The following MPRIP variants were observed in gnomAD, a reference collection of about 807,000 sequenced individuals.
The protein encoded by MPRIP is myosin phosphatase Rho interacting protein.
MPRIP carries 59 observed loss-of-function variants against 234.9 expected under a neutral mutation model. The ratio of observed to expected loss-of-function variants is 0.25; its 90% CI spans 0.20 to 0.31. The LOEUF is 0.31. MPRIP is among the 10% of genes least tolerant of loss of function. The pLI is 1.00. For synonymous variants in MPRIP, 1,144 were observed against 1,263.9 expected (o/e 0.91, Z 2.01); for missense variants, 2,436 against 3,071.0 (o/e 0.79, Z 4.89).
chr17:17,099,627 T>C (rs2089918966), intron 3 of MPRIP, among the ~76,000 whole-genome samples: 1 of 152,190 alleles, frequency 6.6e-6, no homozygotes, highest in African/African-American at 2.4e-5. Flanking sequence ...CTTGGGAGGC[T>C]GAGGCCAGAG....
intron 3 of MPRIP, among the ~76,000 whole-genome samples, chr17:17,101,755 G>A (rs73979083): frequency 0.081 from 12,358 of 152,278 alleles, 709 homozygotes; most frequent in East Asian, 0.17. Context: ...GAAAAGGCCC[G>A]TAGGGTAGGT....
chr17:17,187,305 G>T lies in MPRIP; in HGVS notation c.*2411G>T, dbSNP rs1400431850. On this transcript the variant is annotated 3_prime_UTR_variant, in exon 24 of 24. Coordinates refer to ENST00000651222, the MANE Select transcript of MPRIP (RefSeq NM_001364716.4). ...GGGGTCAGAGACAGGCCAGCAGGGC[G>T]TCTGCATTCCTCCCTGCCACAGGTC... 1 of 152,210 alleles carries T rather than the reference G, an allele frequency of 6.6e-6. No homozygotes were observed. The highest frequency in any genetic ancestry group is 1.5e-5 in the Non-Finnish European group (1 of 68,048). The allele number at this position is 152,210 out of a possible 1,614,324, so 9.4% of individuals were successfully genotyped here. A position where few individuals can be genotyped will look rare whatever the true frequency, so the allele number is the denominator to read the frequency against.
chr17:17,138,023 C>G lies in MPRIP; in HGVS notation c.844C>G (p.Gln282Glu), dbSNP rs1199742126. Reference protein sequence around the residue: ...KTKQDLKAEEQQLPPPLSPPS... With the variant: ...KTKQDLKAEEEQLPPPLSPPS... ...CAAACAGGACTTGAAGGCTGAAGAA[C>G]AGCAGCTGCCCCCGCCGCTCTCCCC... Residue 282 changes from glutamine to glutamate, a missense_variant, in exon 7 of 24, where the codon CAG becomes GAG. Gln to Glu is a conservative substitution (Grantham distance 29). Coordinates refer to ENST00000651222, the MANE Select transcript of MPRIP (RefSeq NM_001364716.4). This position sits in a 1 kb window ranked among gnomAD's most constrained non-coding sequence, Gnocchi z 5.8. 6.2e-7 allele frequency: 1 copy of G among 1,609,770 alleles called. No individual in the cohort carries two copies. Among genetic ancestry groups the G allele is most frequent in the East Asian group, 2.2e-5 (1 of 44,644 alleles).
chr17:17,087,287 T>C (rs549618944), intron 3 of MPRIP, among the ~76,000 whole-genome samples: 1 of 152,134 alleles, frequency 6.6e-6, no homozygotes, highest in Non-Finnish European at 1.5e-5. Context: ...GGTCCCTGGA[T>C]CTCCTGTCCC....
At chr17:17,096,632 CT>C (rs2089851990) in intron 3 of MPRIP, 1 of 389,706 alleles carries the variant, frequency 2.6e-6, no homozygotes, top group Non-Finnish European at 5.4e-6. Context: ...CAATAAGACC[CT>C]TGTTGTTGAC....
Position 17,167,710 on chromosome 17 carries a change from G to A in MPRIP, c.6119G>A (p.Gly2040Glu). The A allele has an allele frequency of 7.7e-7, 1 of 1,304,100 alleles. No homozygotes were observed. Among genetic ancestry groups the A allele is most frequent in the East Asian group, 5.6e-5 (1 of 18,010 alleles). 80.8% of individuals were successfully genotyped at this position (1,304,100 alleles called of 1,614,324 possible). A position where few individuals can be genotyped will look rare whatever the true frequency, so the allele number is the denominator to read the frequency against. The change falls in exon 16 of 24, where the codon GGG becomes GAG. Residue 2040 changes from glycine (G) to glutamate (E), a missense_variant. Gly to Glu is a moderately conservative substitution (Grantham distance 98). Around this residue, in one of 4 missense-constraint regions of MPRIP, gnomAD observed 1,998 missense variants for 2,520.3 expected, o/e 0.79. Coordinates refer to ENST00000651222, the MANE Select transcript of MPRIP (RefSeq NM_001364716.4). The surrounding 1 kb of genome is among the most constrained non-coding windows in gnomAD (Gnocchi z 5.9). Reference sequence around the variant, plus strand: ...CAGGACACCCTCTGCCTCCACCAGGGGCCACACCCCAAGGCCCTGCCAGCC... The same window carrying A: ...CAGGACACCCTCTGCCTCCACCAGGAGCCACACCCCAAGGCCCTGCCAGCC... ...CLQDTLCLHQ[G>E]PHPKALPAPA...
rs144619343 is a variant in MPRIP at position 17,188,582 on chromosome 17, G to C, written c.*3688G>C. ...AATGTGCCTGAAAGGAATACTGACA[G>C]ATAAGGCCGGAAACAAAACTGATGG... On this transcript the variant is annotated 3_prime_UTR_variant, in exon 24 of 24. Transcript: ENST00000651222. 44 of 152,372 alleles carry C rather than the reference G, an allele frequency of 2.9e-4. No individual in the cohort carries two copies. The highest frequency in any genetic ancestry group is 9.1e-4 in the African/African-American group (38 of 41,590). 9.4% of individuals were successfully genotyped at this position (152,372 alleles called of 1,614,324 possible).
intron 1 of MPRIP, among the ~76,000 whole-genome samples, chr17:17,048,733 G>T (rs939814711): frequency 5.3e-5 from 8 of 152,186 alleles, no homozygotes; most frequent in Non-Finnish European, 8.8e-5. Context: ...CGTTGCTGGT[G>T]GGAATGAAAT....
chr17:17,126,605 C>T (rs1250738561), intron 3 of MPRIP, 97 bp from the exon 4 acceptor site: 2 of 1,366,420 alleles, frequency 1.5e-6, no homozygotes, highest in East Asian at 2.3e-5. Context: ...CTCCTAGAGG[C>T]CCCACAGGCT....
chr17:17,094,348 T>C (rs1001378499), intron 3 of MPRIP, among the ~76,000 whole-genome samples: 1 of 152,208 alleles, frequency 6.6e-6, no homozygotes, highest in Non-Finnish European at 1.5e-5. Flanking sequence ...TCATTGGTAT[T>C]GAGAAGTTCA....
At position 17,147,363 on chromosome 17, in the gene MPRIP, C is replaced by T. The variant is rs763613348; in HGVS notation, c.1605C>T (p.Tyr535=). The T allele has an allele frequency of 6.2e-7, 1 of 1,614,180 alleles. No homozygotes were observed. Among genetic ancestry groups the T allele is most frequent in the Non-Finnish European group, 8.5e-7 (1 of 1,180,018 alleles). Residue 535 remains tyrosine (Y), a synonymous_variant, in exon 11 of 24, where the codon TAC becomes TAT. Coordinates refer to ENST00000651222, the MANE Select transcript of MPRIP (RefSeq NM_001364716.4). ...WFVLADQSLR[Y]YRDSVAEEAA... ...TCCTCGCCGATCAAAGCCTGAGATA[C>T]TACAGGGATTCAGTGGCTGAGGAGG...
At chr17:17,066,196 A>G (rs1303918074) in intron 1 of MPRIP, among the ~76,000 whole-genome samples, 2 of 152,260 alleles carry the variant, frequency 1.3e-5, no homozygotes, top group East Asian at 3.8e-4. Flanking sequence ...TGAGATGGCC[A>G]TCATTGCCTA....
Position 17,177,330 on chromosome 17 carries a change from C to T in MPRIP, c.7038C>T (p.Ile2346=), listed in dbSNP as rs756626296. The T allele has an allele frequency of 6.2e-7, 1 of 1,614,004 alleles. No homozygotes were observed. Among genetic ancestry groups the T allele is most frequent in the Non-Finnish European group, 8.5e-7 (1 of 1,180,040 alleles). The change falls in exon 22 of 24, where the codon ATC becomes ATT. Residue 2346 remains isoleucine, a synonymous_variant. Coordinates refer to ENST00000651222, the MANE Select transcript of MPRIP (RefSeq NM_001364716.4). ...SIAKAKADCD[I]SRLKEQLKAA... is the part of the protein sequence containing the mutation. Reference sequence around the variant, plus strand: ...CGAAGGCTAAGGCTGACTGTGACATCAGCAGGTTGAAGGAGCAGCTCAAGG... The same window carrying T: ...CGAAGGCTAAGGCTGACTGTGACATTAGCAGGTTGAAGGAGCAGCTCAAGG...
rs984930166 is a variant in MPRIP at position 17,165,738 on chromosome 17, A to G, written c.4147A>G (p.Ile1383Val). ...CGACTCTGACACGTACCTCTCCATC[A>G]TCCACTCCCTGGAGACCAAGCTCTA... is the stretch of plus-strand genomic sequence containing the variant. ...TGDSDTYLSIIHSLETKLYVT... is the reference protein window; with the variant it reads ...TGDSDTYLSIVHSLETKLYVT... The change falls in exon 16 of 24, where the codon ATC becomes GTC. Residue 1383 changes from isoleucine to valine, a missense_variant. Physicochemically the swap from Ile to Val is conservative, Grantham distance 29 (BLOSUM62 3). Transcript: ENST00000651222. 2 of 1,304,884 alleles carry G rather than the reference A, an allele frequency of 1.5e-6. No individual in the cohort carries two copies. The highest frequency in any genetic ancestry group is 1.1e-4 in the East Asian group (2 of 18,028). 80.8% of individuals were successfully genotyped at this position (1,304,884 alleles called of 1,614,324 possible). A position where few individuals can be genotyped will look rare whatever the true frequency, so the allele number is the denominator to read the frequency against.
In MPRIP at chr17:17,068,068, T is replaced by C. The variant is rs183656760; in HGVS notation, c.124-7642T>C. 8.8e-4 allele frequency among the ~76,000 whole-genome samples: 134 copies of C among 152,288 alleles called. 2 individuals are homozygous for C. The Middle Eastern group carries it at 0.034, about 39-fold the overall frequency. On this transcript the variant is annotated intron_variant, in intron 1 of 23. Transcript: ENST00000651222. ...TTGATGTCTGCAGAATCTGTGATGC[T>C]ATCCCTGTTTTATTTCTGATAACAA...
chr17:17,086,458 G>A (rs1293302638), intron 3 of MPRIP, among the ~76,000 whole-genome samples: 2 of 152,242 alleles, frequency 1.3e-5, no homozygotes, highest in Non-Finnish European at 2.9e-5. Context: ...TTGGCTGGAA[G>A]ATGAGGTCTG....
chr17:17,177,476 G>C, intron 22 of MPRIP, 64 bp downstream of exon 22: 1 of 1,544,630 alleles, frequency 6.5e-7, no homozygotes, highest in Middle Eastern at 1.8e-4. Flanking sequence ...TGGTCGTAGA[G>C]GTTTCCCGGT....
intron 3 of MPRIP, among the ~76,000 whole-genome samples, chr17:17,099,128 T>C (rs1444173212): frequency 6.6e-6 from 1 of 152,184 alleles, no homozygotes; most frequent in East Asian, 1.9e-4. Flanking sequence ...AATAGCCATG[T>C]CAAAGGCACA....
intron 11 of MPRIP, 55 bp downstream of exon 11, chr17:17,147,442 C>A: frequency 6.6e-7 from 1 of 1,524,400 alleles, no homozygotes; most frequent in Non-Finnish European, 9.1e-7. Flanking sequence ...GTCCAGGCGG[C>A]ATCTGGGGCT....
Sources: gnomAD v4.1 joint callset for allele counts (sites outside exome capture counted in the v4.1 genomes callset) on GRCh38, gnomAD v4.1.1 for gene constraint, gnomAD v4.1.1 regional missense constraint, Gnocchi (gnomAD v3.1) non-coding constraint, MANE v1.5 for transcripts, NCBI Gene and HGNC (gene_info 2026-07-23, HGNC 2026-07-21) for gene names.